The following GALNT17 variants were observed in gnomAD, a reference collection of about 807,000 sequenced individuals.
GALNT17 encodes UDP-GalNAc:polypeptide N-acetylgalactosaminyltransferase-like 3.
In GALNT17, 29 loss-of-function variants were observed where a neutral mutation model predicts 63.7. The observed-to-expected ratio is 0.46, with a 90% CI of 0.34 to 0.62. The LOEUF (loss-of-function observed/expected upper bound fraction) is 0.62, where lower values mean the gene tolerates loss of function less well. Among genes scored for constraint, GALNT17 ranks in the 20% least tolerant of loss-of-function variants. The probability of loss-of-function intolerance (pLI) is 0.01; values close to 1 mark genes in which losing one functional copy is unlikely to be tolerated. For missense variants in GALNT17, 603 were observed against 799.6 expected (o/e 0.75, Z 2.97); for synonymous variants, 305 against 318.3 (o/e 0.96, Z 0.45).
intron 9 of GALNT17, among the ~76,000 whole-genome samples, chr7:71,698,136 A>AAG (rs1554326176): frequency 6.6e-6 from 1 of 151,486 alleles, no homozygotes; most frequent in Non-Finnish European, 1.5e-5. Context: ...AAAAAAAAAA[A>AAG]AAAAAGAAAA....
At chr7:71,214,004 G>A (rs1474996206) in intron 1 of GALNT17, among the ~76,000 whole-genome samples, 3 of 152,192 alleles carry the variant, frequency 2.0e-5, no homozygotes, top group Non-Finnish European at 4.4e-5. Flanking sequence ...AAAAACAGTT[G>A]TTACTCTTTC....
intron 6 of GALNT17, among the ~76,000 whole-genome samples, chr7:71,642,834 CA>C (rs111778238): frequency 0.093 from 13,689 of 147,240 alleles, 883 homozygotes; most frequent in African/African-American, 0.19. Context: ...GACTCTGTCT[CA>C]AAAAAAAAAA....
chr7:71,528,901 G>A (rs143762484), intron 5 of GALNT17, among the ~76,000 whole-genome samples: 32 of 152,258 alleles, frequency 2.1e-4, no homozygotes, highest in African/African-American at 5.3e-4. Flanking sequence ...TCGGGAGGCC[G>A]AGGAGGGAAG....
intron 1 of GALNT17, among the ~76,000 whole-genome samples, chr7:71,133,459 T>C (rs1490772786): frequency 6.6e-6 from 1 of 151,980 alleles, no homozygotes; most frequent in Non-Finnish European, 1.5e-5. Flanking sequence ...ACCTGGGAGA[T>C]TGGAGGGCTT....
chr7:71,230,952 G>T (rs1197519946), intron 1 of GALNT17, among the ~76,000 whole-genome samples: 1 of 152,078 alleles, frequency 6.6e-6, no homozygotes, highest in East Asian at 1.9e-4. Flanking sequence ...GTAGCGTGAG[G>T]ACCAGCTCTC....
rs991568502 is a variant in GALNT17, at chr7:71,239,303, C to CA, written c.239-96247_239-96246insA. ...GGTGAGACCCTGTCTGTACCCCCCC[C>CA]CAAAAAAAAATAAATAAAAATTAGC... On this transcript the variant is annotated intron_variant, in intron 1 of 10. Transcript: ENST00000333538. Among the ~76,000 whole-genome samples the CA allele has an allele frequency of 4.0e-5, 6 of 150,924 alleles. No homozygotes were observed. The South Asian group carries it at 1.3e-3, about 32-fold the overall frequency.
At chr7:71,387,977 C>T (rs1353540643) in intron 2 of GALNT17, among the ~76,000 whole-genome samples, 1 of 152,128 alleles carries the variant, frequency 6.6e-6, no homozygotes, top group Non-Finnish European at 1.5e-5. Flanking sequence ...GTAGAGGTTC[C>T]TGCTATCACA....
intron 5 of GALNT17, among the ~76,000 whole-genome samples, chr7:71,489,364 T>C (rs1296718114): frequency 6.6e-6 from 1 of 152,196 alleles, no homozygotes; most frequent in Non-Finnish European, 1.5e-5. Flanking sequence ...CCTGGAAACC[T>C]GAGAGAAGAT....
At chr7:71,206,763 G>A (rs1307886310) in intron 1 of GALNT17, among the ~76,000 whole-genome samples, 1 of 152,078 alleles carries the variant, frequency 6.6e-6, no homozygotes, top group African/African-American at 2.4e-5. Context: ...GGATTCTCCT[G>A]TTTTCTCTGT....
In GALNT17 at chr7:71,648,061, C is replaced by G. The variant is rs543479157; in HGVS notation, c.1081-17350C>G. 1.3e-4 allele frequency among the ~76,000 whole-genome samples: 20 copies of G among 152,344 alleles called. No individual in the cohort carries two copies. In the South Asian group the frequency reaches 3.9e-3, roughly 30 times the overall value. ...GGGTCCTCACAGTCATTATCTCCAACCTGCCCCTCCCATGGGCCCACACAG... is the reference window on the plus strand; with the variant it reads ...GGGTCCTCACAGTCATTATCTCCAAGCTGCCCCTCCCATGGGCCCACACAG... On this transcript the variant is annotated intron_variant, in intron 6 of 10. Coordinates refer to ENST00000333538, the MANE Select transcript of GALNT17 (RefSeq NM_022479.3).
intron 5 of GALNT17, among the ~76,000 whole-genome samples, chr7:71,556,298 G>A (rs186604220): frequency 2.8e-4 from 43 of 152,298 alleles, no homozygotes; most frequent in Admixed American, 1.0e-3. Flanking sequence ...GGAGCTTATT[G>A]TATTTGCTGA....
intron 1 of GALNT17, among the ~76,000 whole-genome samples, chr7:71,217,218 G>A (rs913224965): frequency 8.5e-5 from 12 of 141,070 alleles, no homozygotes; most frequent in Admixed American, 6.2e-4. Context: ...CCATATGATC[G>A]CCCACCTTGG....
chr7:71,557,218 T>C (rs1330661091), intron 5 of GALNT17, among the ~76,000 whole-genome samples: 2 of 152,166 alleles, frequency 1.3e-5, no homozygotes, highest in African/African-American at 4.8e-5. Flanking sequence ...CATTTTGTTT[T>C]ATCCCATAGT....
At chr7:71,410,248 ATTT>A (rs201714940) in intron 3 of GALNT17, among the ~76,000 whole-genome samples, 17 of 141,264 alleles carry the variant, frequency 1.2e-4, no homozygotes, top group East Asian at 2.1e-4. Flanking sequence ...TTCTTTCCTG[ATTT>A]TTTTTTTTTT....
chr7:71,246,311 T>C (rs910186573), intron 1 of GALNT17, among the ~76,000 whole-genome samples: 1 of 151,174 alleles, frequency 6.6e-6, no homozygotes. Flanking sequence ...TTAGTAGAGA[T>C]GGGATTTCAC....
chr7:71,282,608 A>G (rs1371338818), intron 1 of GALNT17, among the ~76,000 whole-genome samples: 3 of 151,876 alleles, frequency 2.0e-5, no homozygotes, highest in African/African-American at 4.8e-5. Context: ...AGGAGGGAGG[A>G]ATATTGTGCA....
intron 6 of GALNT17, among the ~76,000 whole-genome samples, chr7:71,591,052 C>T (rs59375930): frequency 0.032 from 4,808 of 151,912 alleles, 243 homozygotes; most frequent in African/African-American, 0.11. Flanking sequence ...TGAGCCACCG[C>T]GCCTGGCCAT....
intron 5 of GALNT17, among the ~76,000 whole-genome samples, chr7:71,447,049 G>C (rs959679235): frequency 1.3e-5 from 2 of 152,062 alleles, no homozygotes; most frequent in African/African-American, 4.8e-5. Context: ...GGCTTTTCCC[G>C]CCACACCAGC....
intron 1 of GALNT17, among the ~76,000 whole-genome samples, chr7:71,328,570 G>A (rs947409212): frequency 3.3e-5 from 5 of 152,052 alleles, no homozygotes; most frequent in Admixed American, 1.3e-4. Context: ...CTTGAGTTCG[G>A]CTGGTGGACT....
Sources: allele counts gnomAD v4.1 joint callset (sites outside exome capture counted in the v4.1 genomes callset), GRCh38; gene constraint gnomAD v4.1.1; transcripts MANE v1.5; gene names NCBI Gene and HGNC (gene_info 2026-07-23, HGNC 2026-07-21).